The following USP6NL variants were observed in gnomAD, a reference collection of about 807,000 sequenced individuals.
The protein encoded by USP6NL is USP6 N-terminal-like protein.
A neutral mutation model predicts 61.9 loss-of-function variants in USP6NL; 26 were observed. That is an observed-to-expected ratio of 0.42 (90% CI 0.31 to 0.58). The LOEUF is 0.58. Ranked by LOEUF, USP6NL falls within the 20% of genes least tolerant of loss-of-function variation. USP6NL has a pLI of 0.16. For missense variants in USP6NL, 1,114 were observed against 1,034.3 expected (o/e 1.08, Z -1.06); for synonymous variants, 432 against 390.1 (o/e 1.11, Z -1.27).
At chr10:11,572,653 A>G (rs1440890778) in intron 2 of USP6NL, among the ~76,000 whole-genome samples, 1 of 152,136 alleles carries the variant, frequency 6.6e-6, no homozygotes, top group East Asian at 1.9e-4. Flanking sequence ...ATATCACATT[A>G]AAGAAAAAAT....
At chr10:11,507,393 T>G (rs1834497006) in intron 6 of USP6NL, among the ~76,000 whole-genome samples, 1 of 152,172 alleles carries the variant, frequency 6.6e-6, no homozygotes, top group Non-Finnish European at 1.5e-5. Flanking sequence ...ATATTCTACT[T>G]TGAAGTGTGT....
chr10:11,493,292 C>A (rs1472244363), intron 7 of USP6NL, 64 bp from the exon 8 acceptor site: 5 of 1,370,754 alleles, frequency 3.6e-6, no homozygotes, highest in Non-Finnish European at 5.0e-6. Flanking sequence ...AACTCTATGA[C>A]AAATAATAAT....
At chr10:11,521,274 A>G (rs938383252) in intron 4 of USP6NL, among the ~76,000 whole-genome samples, 11 of 149,156 alleles carry the variant, frequency 7.4e-5, no homozygotes, top group Non-Finnish European at 1.5e-4. Flanking sequence ...TGGTAGAAAG[A>G]GTTCTCAAGC....
chr10:11,555,386 G>T (rs1836652786), intron 2 of USP6NL, among the ~76,000 whole-genome samples: 1 of 124,500 alleles, frequency 8.0e-6, no homozygotes, highest in Non-Finnish European at 1.6e-5. Context: ...TTGCACTCCA[G>T]CCTGGGCAAC....
At position 11,532,562 on chromosome 10, in the gene USP6NL, TAACA is replaced by T. The variant is rs1423585928; in HGVS notation, c.5-4999_5-4996del. ...CAGCCTACACCAGCATTCCATCCGCTAACAAACAGCGGCTTGAAAGAAGCAGCTT... is the reference window on the plus strand; with the variant it reads ...CAGCCTACACCAGCATTCCATCCGCTAACAGCGGCTTGAAAGAAGCAGCTT... On this transcript the variant is annotated intron_variant, in intron 2 of 14. Coordinates refer to ENST00000609104, the MANE Select transcript of USP6NL (RefSeq NM_014688.5). This position sits in a 1 kb window ranked among gnomAD's most constrained non-coding sequence, Gnocchi z 4.1. Among the ~76,000 whole-genome samples the T allele has an allele frequency of 6.6e-5, 10 of 152,210 alleles. No homozygotes were observed. Among genetic ancestry groups the T allele is most frequent in the Non-Finnish European group, 1.3e-4 (9 of 68,030 alleles).
chr10:11,500,696 A>G (rs778887031), intron 7 of USP6NL, among the ~76,000 whole-genome samples: 40 of 152,212 alleles, frequency 2.6e-4, no homozygotes, highest in Non-Finnish European at 4.6e-4. Context: ...GGTGTTGGTT[A>G]AACTGAATTC....
In USP6NL at chr10:11,525,364, G is replaced by C; in HGVS notation, c.155+22C>G. ...AGAAACGTTATAATCTAAAAAGCAA[G>C]CTTTCAATCTATGTGACTTACTGTA... On this transcript the variant is annotated intron_variant, in intron 4 of 14. Transcript: ENST00000609104. This position sits in a 1 kb window ranked among gnomAD's most constrained non-coding sequence, Gnocchi z 5.0. 1 of 1,567,126 alleles carries C rather than the reference G, an allele frequency of 6.4e-7. No homozygotes were observed. The highest frequency in any genetic ancestry group is 8.6e-7 in the Non-Finnish European group (1 of 1,160,212).
chr10:11,599,822 G>A (rs1207328737), intron 1 of USP6NL, among the ~76,000 whole-genome samples: 1 of 151,346 alleles, frequency 6.6e-6, no homozygotes, highest in Non-Finnish European at 1.5e-5. Flanking sequence ...ACCACGCCCG[G>A]CTAATTTTTT....
Position 11,552,857 on chromosome 10 carries a change from G to C in USP6NL, c.5-25290C>G, listed in dbSNP as rs1020201834. Among the ~76,000 whole-genome samples the C allele has an allele frequency of 2.6e-5, 4 of 152,050 alleles. No homozygotes were observed. In the East Asian group the frequency reaches 5.8e-4, roughly 22 times the overall value. On this transcript the variant is annotated intron_variant, in intron 2 of 14. Transcript: ENST00000609104. Reference sequence around the variant, plus strand: ...TAGATTTGGGGGACGGTGGGTACCAGCACAGTTTTGCTACATGGATATATT... The same window carrying C: ...TAGATTTGGGGGACGGTGGGTACCACCACAGTTTTGCTACATGGATATATT...
At chr10:11,554,863 G>A (rs1234233841) in intron 2 of USP6NL, among the ~76,000 whole-genome samples, 11 of 148,432 alleles carry the variant, frequency 7.4e-5, no homozygotes, top group Admixed American at 3.4e-4. Flanking sequence ...GCAGTGGTGC[G>A]ATCTCCACTC....
At chr10:11,580,982 A>G (rs902371591) in intron 2 of USP6NL, among the ~76,000 whole-genome samples, 1 of 152,192 alleles carries the variant, frequency 6.6e-6, no homozygotes. Context: ...TACTGGTATA[A>G]TTCTAAAGCA....
rs1832898867 is a variant in USP6NL at position 11,474,820 on chromosome 10, T to C, written c.1078+6950A>G. On this transcript the variant is annotated intron_variant, in intron 14 of 14. Coordinates refer to ENST00000609104, the MANE Select transcript of USP6NL (RefSeq NM_014688.5). This position sits in a 1 kb window ranked among gnomAD's most constrained non-coding sequence, Gnocchi z 4.9. ...ATCTATCATAGAAGACTCAGTTTGCTGTTATCATTACTACTATGTGACTCA... is the reference window on the plus strand; with the variant it reads ...ATCTATCATAGAAGACTCAGTTTGCCGTTATCATTACTACTATGTGACTCA... 6.6e-6 allele frequency among the ~76,000 whole-genome samples: 1 copy of C among 152,196 alleles called. No homozygotes were observed. Among genetic ancestry groups the C allele is most frequent in the African/African-American group, 2.4e-5 (1 of 41,440 alleles).
chr10:11,575,316 G>A lies in USP6NL; in HGVS notation c.4+22315C>T, dbSNP rs1588402823. On this transcript the variant is annotated intron_variant, in intron 2 of 14. Transcript: ENST00000609104. The surrounding 1 kb of genome is among the most constrained non-coding windows in gnomAD (Gnocchi z 4.2). ...CACTTCCTAGGGCAGTTTGGGACAC[G>A]TAATAAGTGTTAAGTATCTACTGCC... Among the ~76,000 whole-genome samples, 4 of 152,198 alleles carry A rather than the reference G, an allele frequency of 2.6e-5. No homozygotes were observed. Among genetic ancestry groups the A allele is most frequent in the East Asian group, 3.8e-4 (2 of 5,196 alleles).
intron 2 of USP6NL, among the ~76,000 whole-genome samples, chr10:11,551,499 T>C (rs542563979): frequency 9.2e-5 from 14 of 152,350 alleles, no homozygotes; most frequent in African/African-American, 3.4e-4. Flanking sequence ...GGTGGCTCAA[T>C]AAAGTTACTG....
chr10:11,524,231 G>A (rs1352395340), intron 4 of USP6NL, among the ~76,000 whole-genome samples: 1 of 152,088 alleles, frequency 6.6e-6, no homozygotes, highest in Admixed American at 6.6e-5. Flanking sequence ...AAACAAAACA[G>A]TCTTCTGATT....
chr10:11,583,831 C>T (rs1270606383), intron 2 of USP6NL, among the ~76,000 whole-genome samples: 1 of 152,108 alleles, frequency 6.6e-6, no homozygotes, highest in Non-Finnish European at 1.5e-5. Context: ...AGCTCAAGAC[C>T]AGCCTGGCCA....
chr10:11,531,135 T>G (rs1835640112), intron 2 of USP6NL, among the ~76,000 whole-genome samples: 1 of 152,196 alleles, frequency 6.6e-6, no homozygotes, highest in East Asian at 1.9e-4. Context: ...TATGCTCTCG[T>G]TGCATGACAA....
rs532898257 is a variant in USP6NL, at chr10:11,509,401, C to G, written c.276+194G>C. Among the ~76,000 whole-genome samples the G allele has an allele frequency of 1.1e-4, 17 of 152,274 alleles. No individual in the cohort carries two copies. In the East Asian group the frequency reaches 3.3e-3, roughly 29 times the overall value. Reference sequence around the variant, plus strand: ...AACCATTCAATACAGACTTAAATGTCGAAACCAATCCGAATCGGGTATTAC... The same window carrying G: ...AACCATTCAATACAGACTTAAATGTGGAAACCAATCCGAATCGGGTATTAC... On this transcript the variant is annotated intron_variant, in intron 6 of 14. Coordinates refer to ENST00000609104, the MANE Select transcript of USP6NL (RefSeq NM_014688.5).
chr10:11,464,540 T>A (rs1297672834), intron 14 of USP6NL, among the ~76,000 whole-genome samples: 1 of 152,202 alleles, frequency 6.6e-6, no homozygotes, highest in African/African-American at 2.4e-5. Flanking sequence ...CCTAAGCTGA[T>A]TCCAGAGCCT....
Sources: gnomAD v4.1 joint callset for allele counts (sites outside exome capture counted in the v4.1 genomes callset) on GRCh38, gnomAD v4.1.1 for gene constraint, Gnocchi (gnomAD v3.1) non-coding constraint, MANE v1.5 for transcripts, NCBI Gene and HGNC (gene_info 2026-07-23, HGNC 2026-07-21) for gene names.